NEO1: variants seen among roughly 807,000 people sequenced by gnomAD.
NEO1 encodes neogenin.
A neutral mutation model predicts 159.7 loss-of-function variants in NEO1; 63 were observed. The ratio of observed to expected loss-of-function variants is 0.39; its 90% confidence interval spans 0.32 to 0.49. The LOEUF (loss-of-function observed/expected upper bound fraction) is 0.49. NEO1 is among the 20% of genes least tolerant of loss of function. The pLI, the probability that NEO1 is intolerant of heterozygous loss-of-function variation, is 0.85. For missense variants in NEO1, 1,615 were observed against 1,831.0 expected, an observed-to-expected ratio of 0.88 and a Z score of 2.15; for synonymous variants, 633 against 662.0, an observed-to-expected ratio of 0.96 and a Z score of 0.67.
chr15:73,084,347 T>C (rs900221865), intron 1 of NEO1, among the ~76,000 whole-genome samples: 2 of 152,232 alleles, frequency 1.3e-5, no homozygotes, highest in Non-Finnish European at 2.9e-5. Flanking sequence ...TTCTGCTGTC[T>C]GCATTTATGA....
At chr15:73,163,206 GT>G (rs1319951148) in intron 5 of NEO1, among the ~76,000 whole-genome samples, 4 of 151,906 alleles carry the variant, frequency 2.6e-5, no homozygotes, top group Non-Finnish European at 4.4e-5. Context: ...CAAAAAACAT[GT>G]TAATCATTTA....
intron 7 of NEO1, among the ~76,000 whole-genome samples, chr15:73,187,365 C>G (rs941563378): frequency 2.0e-5 from 3 of 152,144 alleles, no homozygotes; most frequent in African/African-American, 7.2e-5. Flanking sequence ...TCCTTATATT[C>G]TTCATTCTCC....
At chr15:73,167,789 AAAGTT>A (rs1217911385) in intron 5 of NEO1, among the ~76,000 whole-genome samples, 2 of 152,198 alleles carry the variant, frequency 1.3e-5, no homozygotes, top group African/African-American at 2.4e-5. Flanking sequence ...ACAATTTTTC[AAAGTT>A]AAGAGCTTTA....
At chr15:73,301,204 C>T in intron 27 of NEO1, 117 bp from the exon 28 acceptor site, 2 of 1,314,710 alleles carry the variant, frequency 1.5e-6, no homozygotes. Flanking sequence ...GAGCAGTATC[C>T]CTGCACTGGG....
rs114236616 is a variant in NEO1, at chr15:73,183,500, G to A, written c.1291+5073G>A. On this transcript the variant is annotated intron_variant, in intron 7 of 28. Transcript: ENST00000261908. The stretch of plus-strand genomic sequence containing the variant: ...ATTTTAGGCCTCAGGATTCTACACT[G>A]ATACCAAGGAGAGGTCTTTTACTAC... Among the ~76,000 whole-genome samples the A allele has an allele frequency of 9.7e-3, 1,469 of 152,226 alleles. 30 individuals are homozygous for A. The highest frequency in any genetic ancestry group is 0.034 in the African/African-American group (1,399 of 41,532).
chr15:73,091,248 G>A (rs1445140689), intron 1 of NEO1, among the ~76,000 whole-genome samples: 1 of 152,176 alleles, frequency 6.6e-6, no homozygotes, highest in African/African-American at 2.4e-5. Flanking sequence ...TGCCTACTAT[G>A]TGCAGGAACC....
chr15:73,130,886 A>G (rs555399167), intron 4 of NEO1, among the ~76,000 whole-genome samples: 1 of 152,330 alleles, frequency 6.6e-6, no homozygotes, highest in East Asian at 1.9e-4. Context: ...GGGAACAATA[A>G]TGAGACAATC....
chr15:73,130,745 T>C (rs1286386149), intron 4 of NEO1, among the ~76,000 whole-genome samples: 1 of 152,184 alleles, frequency 6.6e-6, no homozygotes, highest in Non-Finnish European at 1.5e-5. Context: ...TTTCACCCCA[T>C]CCAGCCATAA....
intron 16 of NEO1, 113 bp downstream of exon 16, chr15:73,266,524 C>T (rs182968948): frequency 1.6e-5 from 10 of 641,090 alleles, no homozygotes; most frequent in South Asian, 4.1e-5. Flanking sequence ...ATGGCAGTTT[C>T]GGGTGCTGAC....
At chr15:73,207,468 G>C (rs1285164870) in intron 7 of NEO1, among the ~76,000 whole-genome samples, 1 of 152,000 alleles carries the variant, frequency 6.6e-6, no homozygotes, top group Non-Finnish European at 1.5e-5. Context: ...CTTCTACCAG[G>C]CCAAATCCTG....
chr15:73,126,711 T>G, intron 4 of NEO1, 141 bp downstream of exon 4: 1 of 645,650 alleles, frequency 1.5e-6, no homozygotes, highest in Non-Finnish European at 2.5e-6. Flanking sequence ...CCTTCAAATA[T>G]GTTCATATGA....
intron 26 of NEO1, among the ~76,000 whole-genome samples, chr15:73,297,859 T>C (rs550727240): frequency 2.6e-5 from 4 of 152,320 alleles, no homozygotes; most frequent in Non-Finnish European, 5.9e-5. Flanking sequence ...GCACAGTCCC[T>C]GGAGGCACGA....
intron 1 of NEO1, among the ~76,000 whole-genome samples, chr15:73,072,514 C>T (rs1048024408): frequency 6.6e-6 from 1 of 152,080 alleles, no homozygotes; most frequent in South Asian, 2.1e-4. Flanking sequence ...ATGTTGCATG[C>T]TCTATGTTGG....
At chr15:73,144,200 A>G (rs1056391739) in intron 5 of NEO1, among the ~76,000 whole-genome samples, 2 of 152,210 alleles carry the variant, frequency 1.3e-5, no homozygotes, top group African/African-American at 2.4e-5. Context: ...CATTACCTCT[A>G]CTTTTATGAT....
intron 5 of NEO1, among the ~76,000 whole-genome samples, chr15:73,165,786 T>C (rs1401685219): frequency 6.6e-6 from 1 of 152,212 alleles, no homozygotes; most frequent in Non-Finnish European, 1.5e-5. Context: ...AAAGGCTTTT[T>C]AAAAGAAACC....
At chr15:73,102,996 C>T (rs1237480925) in intron 1 of NEO1, among the ~76,000 whole-genome samples, 3 of 152,194 alleles carry the variant, frequency 2.0e-5, no homozygotes, top group African/African-American at 7.2e-5. Context: ...ATCACCCTTT[C>T]CCCTCCTTTA....
chr15:73,175,466 A>G (rs2151948366), intron 5 of NEO1, among the ~76,000 whole-genome samples: 1 of 152,368 alleles, frequency 6.6e-6, no homozygotes, highest in East Asian at 1.9e-4. Flanking sequence ...TGTTCAGGGA[A>G]AAGAAGACAA....
intron 7 of NEO1, among the ~76,000 whole-genome samples, chr15:73,224,085 C>A (rs1356058572): frequency 6.6e-6 from 1 of 152,104 alleles, no homozygotes; most frequent in African/African-American, 2.4e-5. Context: ...ATACAAAATT[C>A]TTGGCTGATA....
chr15:73,270,180 C>G lies in NEO1; in HGVS notation c.2665C>G (p.Arg889Gly), dbSNP rs770111853. Residue 889 changes from arginine to glycine, a missense_variant, in exon 17 of 29, where the codon CGA (arginine) becomes GGA (glycine). Arg to Gly is a moderately radical substitution (Grantham distance 125). Coordinates refer to ENST00000261908, the MANE Select transcript of NEO1 (RefSeq NM_002499.4). ...CAAGCACCAGAAGATTACAGACTCC[C>G]GATACTACACCGTCCGATGGAAAAC... The part of the protein sequence containing the change: ...LPKHQKITDS[R>G]YYTVRWKTNI... The G allele has an allele frequency of 6.2e-7, 1 of 1,613,910 alleles. No homozygotes were observed. Among genetic ancestry groups the G allele is most frequent in the Non-Finnish European group, 8.5e-7 (1 of 1,179,970 alleles).
Sources: gnomAD v4.1 joint callset for allele counts (sites outside exome capture counted in the v4.1 genomes callset) on GRCh38, gnomAD v4.1.1 for gene constraint, MANE v1.5 for transcripts, NCBI Gene and HGNC (gene_info 2026-07-23, HGNC 2026-07-21) for gene names.